The following HIVEP3 variants were observed in gnomAD, a reference collection of about 807,000 sequenced individuals.
The protein encoded by HIVEP3 is HIVEP zinc finger 3.
A neutral mutation model predicts 152.8 loss-of-function variants in HIVEP3; 49 were observed. The observed-to-expected ratio is 0.32, with a 90% confidence interval of 0.26 to 0.41. The LOEUF is 0.41. Ranked by LOEUF, HIVEP3 falls within the 10% of genes least tolerant of loss-of-function variation. The pLI is 1.00. For missense variants in HIVEP3, 2,790 were observed against 3,103.3 expected, an observed-to-expected ratio of 0.90 and a Z score of 2.40; for synonymous variants, 1,269 against 1,289.0, an observed-to-expected ratio of 0.98 and a Z score of 0.33.
chr1:41,531,897 G>A (rs1434474895), intron 5 of HIVEP3, among the ~76,000 whole-genome samples: 2 of 133,654 alleles, frequency 1.5e-5, no homozygotes, highest in Non-Finnish European at 1.6e-5. Flanking sequence ...GGGAGATGGA[G>A]GACAGGGGAG....
At chr1:41,956,002 G>C (rs1645138647) in intron 1 of HIVEP3, among the ~76,000 whole-genome samples, 1 of 152,220 alleles carries the variant, frequency 6.6e-6, no homozygotes, top group African/African-American at 2.4e-5. Flanking sequence ...AATGATTTAG[G>C]CTTGTAGCCG....
chr1:41,559,345 T>C (rs1644020427), intron 5 of HIVEP3, among the ~76,000 whole-genome samples: 1 of 152,212 alleles, frequency 6.6e-6, no homozygotes, highest in African/African-American at 2.4e-5. Context: ...AACATTTTTA[T>C]CCTGAACCAT....
At chr1:41,722,433 C>CTTCCTTCCT (rs1558211399) in intron 1 of HIVEP3, among the ~76,000 whole-genome samples, 1 of 149,344 alleles carries the variant, frequency 6.7e-6, no homozygotes, top group Non-Finnish European at 1.5e-5. Flanking sequence ...TCCTTCCTTC[C>CTTCCTTCCT]TTCCTTCCTT....
At chr1:41,753,670 A>AAAATAAAT (rs3064234) in intron 1 of HIVEP3, among the ~76,000 whole-genome samples, 33,368 of 140,766 alleles carry the variant, frequency 0.24, 4,123 homozygotes, top group East Asian at 0.33. Flanking sequence ...CGCCGTCTCA[A>AAAATAAAT]AAATAAATAA....
chr1:41,867,953 G>A (rs1459969203), intron 1 of HIVEP3, among the ~76,000 whole-genome samples: 1 of 122,606 alleles, frequency 8.2e-6, no homozygotes, highest in African/African-American at 3.2e-5. Flanking sequence ...AAAGCTCCCA[G>A]AGGCTTTCCA....
At chr1:41,732,748 G>T (rs1174611108) in intron 1 of HIVEP3, among the ~76,000 whole-genome samples, 1 of 152,174 alleles carries the variant, frequency 6.6e-6, no homozygotes, top group South Asian at 2.1e-4. Flanking sequence ...CTCTATCCCC[G>T]AGGACAAGGC....
intron 6 of HIVEP3, among the ~76,000 whole-genome samples, chr1:41,522,780 G>T (rs1057470950): frequency 1.3e-5 from 2 of 152,202 alleles, no homozygotes; most frequent in East Asian, 3.8e-4. Context: ...AACTGCTTGG[G>T]CTGGAAACTT....
intron 2 of HIVEP3, among the ~76,000 whole-genome samples, chr1:41,666,094 G>A (rs1645791742): frequency 6.6e-6 from 1 of 151,404 alleles, no homozygotes; most frequent in African/African-American, 2.4e-5. Context: ...CAGATGCTTT[G>A]GTTGTTTTCC....
rs561674486 is a variant in HIVEP3 at position 41,796,244 on chromosome 1, C to T, written c.-800-95249G>A. On this transcript the variant is annotated intron_variant, in intron 1 of 8. Coordinates refer to ENST00000372583, the MANE Select transcript of HIVEP3 (RefSeq NM_024503.5). The stretch of plus-strand genomic sequence containing the variant: ...ACTGTCTGGAATCTCCATTTCCCAC[C>T]CAATTCTGAGCAAAAATTAAATCAA... Among the ~76,000 whole-genome samples the T allele has an allele frequency of 4.6e-5, 7 of 152,310 alleles. No homozygotes were observed. In the South Asian group the frequency reaches 1.4e-3, roughly 32 times the overall value.
chr1:41,650,356 G>C (rs1266699885), intron 2 of HIVEP3, among the ~76,000 whole-genome samples: 1 of 152,128 alleles, frequency 6.6e-6, no homozygotes, highest in African/African-American at 2.4e-5. Flanking sequence ...GAAAAACACT[G>C]GCATGGGCAT....
intron 1 of HIVEP3, among the ~76,000 whole-genome samples, chr1:41,703,585 T>A (rs1209547588): frequency 6.6e-6 from 1 of 152,188 alleles, no homozygotes; most frequent in Non-Finnish European, 1.5e-5. Flanking sequence ...CCGTGTACAA[T>A]CCCTAGAACA....
intron 1 of HIVEP3, among the ~76,000 whole-genome samples, chr1:41,840,372 C>A (rs961618729): frequency 6.6e-6 from 1 of 152,134 alleles, no homozygotes; most frequent in African/African-American, 2.4e-5. Context: ...CATGTGATGA[C>A]AACAGAGGCC....
chr1:41,890,029 G>A (rs1644422666), intron 1 of HIVEP3, among the ~76,000 whole-genome samples: 1 of 152,254 alleles, frequency 6.6e-6, no homozygotes, highest in Non-Finnish European at 1.5e-5. Context: ...TGAAACAGAT[G>A]TACCTGGTTC....
chr1:41,752,673 C>T (rs1647185537), intron 1 of HIVEP3, among the ~76,000 whole-genome samples: 1 of 152,214 alleles, frequency 6.6e-6, no homozygotes, highest in African/African-American at 2.4e-5. Context: ...ACAGAACCAG[C>T]AGTCTGTGTT....
intron 6 of HIVEP3, among the ~76,000 whole-genome samples, chr1:41,522,044 G>A (rs1235396058): frequency 1.3e-5 from 2 of 152,246 alleles, no homozygotes; most frequent in Non-Finnish European, 2.9e-5. Flanking sequence ...AGACACACAC[G>A]GCAGACAGAG....
At chr1:41,590,997 G>A (rs576983459) in intron 3 of HIVEP3, among the ~76,000 whole-genome samples, 1 of 152,334 alleles carries the variant, frequency 6.6e-6, no homozygotes, top group East Asian at 1.9e-4. Context: ...AAACTGTCAT[G>A]TGTGGTTTAA....
intron 1 of HIVEP3, among the ~76,000 whole-genome samples, chr1:42,025,938 G>A (rs2124537917): frequency 6.6e-6 from 1 of 152,148 alleles, no homozygotes; most frequent in East Asian, 1.9e-4. Flanking sequence ...GGGCGTGGTG[G>A]TGTGTGCCTA....
chr1:41,782,322 G>A (rs559297139), intron 1 of HIVEP3, among the ~76,000 whole-genome samples: 4 of 152,354 alleles, frequency 2.6e-5, no homozygotes, highest in African/African-American at 9.6e-5. Flanking sequence ...AAGGGAAAGG[G>A]AATCACTGTT....
intron 1 of HIVEP3, among the ~76,000 whole-genome samples, chr1:41,917,845 G>A (rs572425308): frequency 6.6e-6 from 1 of 152,180 alleles, no homozygotes; most frequent in African/African-American, 2.4e-5. Context: ...TAGGATTAAG[G>A]GGGAAAAAGA....
Sources: gnomAD v4.1 joint callset for allele counts (sites outside exome capture counted in the v4.1 genomes callset) on GRCh38, gnomAD v4.1.1 for gene constraint, MANE v1.5 for transcripts, NCBI Gene and HGNC (gene_info 2026-07-23, HGNC 2026-07-21) for gene names.